Variants in NRXN1 observed in about 807,000 individuals in gnomAD.
The protein encoded by NRXN1 is neurexin 1.
Under a neutral mutation model 150.9 loss-of-function variants are expected in NRXN1, and 39 were observed. The ratio of observed to expected loss-of-function variants is 0.26; its 90% CI spans 0.20 to 0.34. The LOEUF (loss-of-function observed/expected upper bound fraction) is 0.34, where lower values mean the gene tolerates loss of function less well. Ranked by LOEUF, NRXN1 falls within the 10% of genes least tolerant of loss-of-function variation. The pLI, the probability that NRXN1 is intolerant of heterozygous loss-of-function variation, is 1.00. For synonymous variants in NRXN1, 924 were observed against 757.0 expected, an observed-to-expected ratio of 1.22 and a Z score of -3.62; for missense variants, 1,815 against 1,949.9, an observed-to-expected ratio of 0.93 and a Z score of 1.30.
At chr2:50,606,080 C>G (rs1677063908) in intron 8 of NRXN1, among the ~76,000 whole-genome samples, 2 of 151,852 alleles carry the variant, frequency 1.3e-5, no homozygotes, top group Admixed American at 1.3e-4. Context: ...GAAACCCCAT[C>G]TCTACCAAAA....
intron 5 of NRXN1, among the ~76,000 whole-genome samples, chr2:50,761,138 C>T (rs1025411851): frequency 1.3e-5 from 2 of 152,018 alleles, no homozygotes; most frequent in South Asian, 2.1e-4. Flanking sequence ...CTACCATTCC[C>T]GTTTGGGCTT....
chr2:50,911,930 AAGGGTAGATCTAAT>A (rs1311879729), intron 5 of NRXN1, among the ~76,000 whole-genome samples: 2 of 151,926 alleles, frequency 1.3e-5, no homozygotes, highest in Middle Eastern at 3.2e-3. Flanking sequence ...TTCAGGGATG[AAGGGTAGATCTAAT>A]AGAATAACTA....
At chr2:50,008,288 A>G (rs557156665) in intron 21 of NRXN1, among the ~76,000 whole-genome samples, 1 of 152,194 alleles carries the variant, frequency 6.6e-6, no homozygotes, top group South Asian at 2.1e-4. Context: ...AACACTAGAG[A>G]ACTGGGTTTG....
intron 12 of NRXN1, among the ~76,000 whole-genome samples, chr2:50,508,260 G>C (rs924871115): frequency 1.3e-5 from 2 of 152,008 alleles, no homozygotes; most frequent in African/African-American, 2.4e-5. Context: ...TGTATCTTTA[G>C]AGAAATTAAA....
intron 9 of NRXN1, among the ~76,000 whole-genome samples, chr2:50,549,262 T>G (rs1006295860): frequency 6.6e-6 from 1 of 152,104 alleles, no homozygotes; most frequent in Non-Finnish European, 1.5e-5. Context: ...ACCAAACCAA[T>G]GCAGTGTGCA....
intron 12 of NRXN1, among the ~76,000 whole-genome samples, chr2:50,521,550 G>A (rs761589807): frequency 1.3e-5 from 2 of 152,106 alleles, no homozygotes; most frequent in Non-Finnish European, 2.9e-5. Context: ...TAAAAGAAGT[G>A]GATAAGAGTT....
At chr2:50,391,644 T>G (rs2103818403) in intron 17 of NRXN1, among the ~76,000 whole-genome samples, 1 of 152,266 alleles carries the variant, frequency 6.6e-6, no homozygotes, top group East Asian at 1.9e-4. Context: ...CTTGTTTATT[T>G]AAGTTCCAAT....
intron 15 of NRXN1, among the ~76,000 whole-genome samples, chr2:50,479,767 C>CTTTTTTTTTTTTTTTTTTTT (rs35301086): frequency 2.5e-5 from 2 of 79,866 alleles, no homozygotes; most frequent in African/African-American, 5.1e-5. Flanking sequence ...ATTTCTTTTT[C>CTTTTTTTTTTTTTTTTTTTT]TTTTTTTTTT....
intron 9 of NRXN1, among the ~76,000 whole-genome samples, chr2:50,550,613 C>G (rs1384187423): frequency 6.6e-6 from 1 of 151,716 alleles, no homozygotes; most frequent in African/African-American, 2.4e-5. Context: ...GAGGGGAACA[C>G]TCTATTATTA....
At chr2:50,580,770 C>G (rs995600459) in intron 8 of NRXN1, among the ~76,000 whole-genome samples, 3 of 152,082 alleles carry the variant, frequency 2.0e-5, no homozygotes, top group Non-Finnish European at 1.5e-5. Context: ...CACTGCTTGT[C>G]TCCTCATAAA....
At chr2:50,060,647 C>G (rs1203980183) in intron 19 of NRXN1, among the ~76,000 whole-genome samples, 1 of 152,038 alleles carries the variant, frequency 6.6e-6, no homozygotes, top group Non-Finnish European at 1.5e-5. Context: ...TGGGAGACAC[C>G]CAGTGGGAGG....
intron 19 of NRXN1, among the ~76,000 whole-genome samples, chr2:50,078,138 C>T (rs989075485): frequency 1.3e-5 from 2 of 152,008 alleles, no homozygotes; most frequent in Admixed American, 6.6e-5. Flanking sequence ...TAAGAACCAA[C>T]TCCAGTATTA....
intron 18 of NRXN1, among the ~76,000 whole-genome samples, chr2:50,122,180 TCACA>T (rs1246667310): frequency 6.6e-6 from 1 of 152,234 alleles, no homozygotes; most frequent in African/African-American, 2.4e-5. Context: ...CAAAATCTAT[TCACA>T]CTTGTTGAAA....
chr2:50,149,709 T>C (rs1057374483), intron 18 of NRXN1, among the ~76,000 whole-genome samples: 2 of 151,766 alleles, frequency 1.3e-5, no homozygotes, highest in African/African-American at 2.4e-5. Flanking sequence ...TATATATACA[T>C]AGATTTATCT....
intron 5 of NRXN1, among the ~76,000 whole-genome samples, chr2:50,628,570 A>G (rs1034220323): frequency 2.0e-5 from 3 of 151,734 alleles, no homozygotes; most frequent in Non-Finnish European, 4.4e-5. Flanking sequence ...CTACCTTACA[A>G]TCTTTGTAAG....
intron 5 of NRXN1, among the ~76,000 whole-genome samples, chr2:50,857,471 G>A (rs748785483): frequency 7.2e-5 from 11 of 152,034 alleles, no homozygotes; most frequent in Non-Finnish European, 7.4e-5. Flanking sequence ...GGTAAATTAT[G>A]TGTGACTCAC....
rs1257997273 is a variant in NRXN1 at position 50,664,453 on chromosome 2, G to A, written c.833-40838C>T. Among the ~76,000 whole-genome samples, 8 of 150,072 alleles carry A rather than the reference G, an allele frequency of 5.3e-5. No homozygotes were observed. The East Asian group carries it at 5.9e-4, about 11-fold the overall frequency. ...TGTGTGTGTGTGGCGTGGCGGGGGC[G>A]GGTGGGTAGAAGGATAGGCATTGGG... On this transcript the variant is annotated intron_variant, in intron 5 of 22. Coordinates refer to ENST00000401669, the MANE Select transcript of NRXN1 (RefSeq NM_001330078.2).
chr2:50,053,769 A>C (rs1323704363), intron 20 of NRXN1, among the ~76,000 whole-genome samples, 179 bp from the exon 21 acceptor site: 2 of 152,186 alleles, frequency 1.3e-5, no homozygotes, highest in East Asian at 3.9e-4. Flanking sequence ...AATTATTGGC[A>C]AATACTTGTA....
At chr2:50,234,581 C>T (rs2065249647) in intron 18 of NRXN1, among the ~76,000 whole-genome samples, 1 of 152,092 alleles carries the variant, frequency 6.6e-6, no homozygotes, top group Non-Finnish European at 1.5e-5. Flanking sequence ...CTAATCACCT[C>T]TTCTAGGCAA....
Sources: allele counts gnomAD v4.1 joint callset (sites outside exome capture counted in the v4.1 genomes callset), GRCh38; gene constraint gnomAD v4.1.1; transcripts MANE v1.5; gene names NCBI Gene and HGNC (gene_info 2026-07-23, HGNC 2026-07-21).